The following F13A1 variants were observed in gnomAD, a reference collection of about 807,000 sequenced individuals.
F13A1 encodes coagulation factor XIII A chain, also known as FSF, A subunit.
A neutral mutation model predicts 80.1 loss-of-function variants in F13A1; 47 were observed. The observed-to-expected ratio is 0.59, with a 90% CI of 0.46 to 0.75. The LOEUF (loss-of-function observed/expected upper bound fraction) is 0.75, where lower values mean the gene tolerates loss of function less well. F13A1 is among the 30% of genes least tolerant of loss of function. The pLI, the probability that F13A1 is intolerant of heterozygous loss-of-function variation, is 0.00. For missense variants in F13A1, 817 were observed against 930.4 expected (o/e 0.88, Z 1.59); for synonymous variants, 349 against 344.9 (o/e 1.01, Z -0.13).
chr6:6,247,303 A>G (rs932747655), intron 6 of F13A1, among the ~76,000 whole-genome samples: 2 of 152,204 alleles, frequency 1.3e-5, no homozygotes, highest in African/African-American at 4.8e-5. Context: ...CCAAACTCAA[A>G]CATAACATTC....
intron 6 of F13A1, among the ~76,000 whole-genome samples, chr6:6,242,960 A>T (rs932635493): frequency 5.3e-5 from 8 of 152,204 alleles, no homozygotes; most frequent in Non-Finnish European, 1.0e-4. Flanking sequence ...TTTTCTATTT[A>T]CTAGTCTGTG....
intron 10 of F13A1, among the ~76,000 whole-genome samples, chr6:6,193,956 G>C (rs529181671): frequency 1.3e-5 from 2 of 152,216 alleles, no homozygotes; most frequent in Non-Finnish European, 2.9e-5. Flanking sequence ...CGGCAGGTAC[G>C]ATGAGATGAA....
chr6:6,169,703 T>C (rs1435198339), intron 12 of F13A1, among the ~76,000 whole-genome samples: 1 of 152,164 alleles, frequency 6.6e-6, no homozygotes, highest in Non-Finnish European at 1.5e-5. Flanking sequence ...ATCTGGTGGA[T>C]AGGGGCCAAA....
chr6:6,161,110 G>A (rs1462513542), intron 13 of F13A1, among the ~76,000 whole-genome samples: 1 of 152,164 alleles, frequency 6.6e-6, no homozygotes, highest in Non-Finnish European at 1.5e-5. Flanking sequence ...GGAGGAACAT[G>A]TGAGTGTCTC....
At chr6:6,257,519 C>T (rs79505508) in intron 4 of F13A1, among the ~76,000 whole-genome samples, 2 of 152,208 alleles carry the variant, frequency 1.3e-5, no homozygotes, top group Non-Finnish European at 2.9e-5. Flanking sequence ...TTCCTTTTAG[C>T]CCCTTCAGTA....
chr6:6,286,004 G>A (rs1297247810), intron 3 of F13A1, among the ~76,000 whole-genome samples: 7 of 152,234 alleles, frequency 4.6e-5, no homozygotes, highest in Admixed American at 2.0e-4. Context: ...TGCATGCTCC[G>A]CTTCTAAGCG....
intron 4 of F13A1, among the ~76,000 whole-genome samples, chr6:6,258,455 A>G (rs1757731910): frequency 6.6e-6 from 1 of 152,224 alleles, no homozygotes; most frequent in African/African-American, 2.4e-5. Flanking sequence ...GAAGCATATA[A>G]GAGACTCTAC....
intron 13 of F13A1, among the ~76,000 whole-genome samples, chr6:6,160,292 A>G (rs1760550725): frequency 1.3e-5 from 2 of 150,902 alleles, no homozygotes; most frequent in South Asian, 4.2e-4. Context: ...AAAAAAGGAA[A>G]GAAAGAAAAT....
intron 1 of F13A1, among the ~76,000 whole-genome samples, chr6:6,318,887 G>A (rs889502045): frequency 6.6e-6 from 1 of 152,148 alleles, no homozygotes; most frequent in South Asian, 2.1e-4. Flanking sequence ...AGGATCTTGG[G>A]GAGATTTTTG....
intron 12 of F13A1, among the ~76,000 whole-genome samples, chr6:6,170,748 C>T (rs1466331715): frequency 6.6e-6 from 1 of 152,108 alleles, no homozygotes; most frequent in Non-Finnish European, 1.5e-5. Flanking sequence ...GAAAGTATGC[C>T]TCCCATTCTA....
intron 2 of F13A1, 46 bp downstream of exon 2, chr6:6,318,489 G>A: frequency 1.3e-6 from 2 of 1,584,914 alleles, no homozygotes; most frequent in Non-Finnish European, 1.7e-6. Context: ...CCAGGGCCCG[G>A]CTGTGCCTGG....
intron 13 of F13A1, among the ~76,000 whole-genome samples, chr6:6,156,291 GT>G (rs1414174456): frequency 6.6e-6 from 1 of 152,152 alleles, no homozygotes; most frequent in Admixed American, 6.5e-5. Flanking sequence ...AAACAAGAAA[GT>G]TACTAACACA....
In F13A1 at chr6:6,213,131, C is replaced by A. The variant is rs183911189; in HGVS notation, c.1112+8902G>T. Among the ~76,000 whole-genome samples the A allele has an allele frequency of 3.1e-3, 472 of 152,246 alleles. 5 individuals carry two copies. The highest frequency in any genetic ancestry group is 0.011 in the African/African-American group (454 of 41,516). On this transcript the variant is annotated intron_variant, in intron 8 of 14. Coordinates refer to ENST00000264870, the MANE Select transcript of F13A1 (RefSeq NM_000129.4). ...CAGGATACTATCCAGGAGAATTTCC[C>A]CAATCTAGCAAGGCAGGCCAACGTT... is the stretch of plus-strand genomic sequence containing the variant.
intron 10 of F13A1, among the ~76,000 whole-genome samples, chr6:6,194,828 T>A (rs953489839): frequency 2.0e-5 from 3 of 152,238 alleles, no homozygotes; most frequent in African/African-American, 7.2e-5. Flanking sequence ...GTTACCAGTA[T>A]GCATTCAGGT....
intron 8 of F13A1, among the ~76,000 whole-genome samples, chr6:6,200,203 T>C (rs1457681953): frequency 6.6e-6 from 1 of 151,540 alleles, no homozygotes; most frequent in Non-Finnish European, 1.5e-5. Context: ...TGGTGGGTGG[T>C]GGAGGAGGGC....
At chr6:6,255,463 T>C (rs1416867116) in intron 4 of F13A1, among the ~76,000 whole-genome samples, 1 of 152,136 alleles carries the variant, frequency 6.6e-6, no homozygotes, top group Non-Finnish European at 1.5e-5. Flanking sequence ...AAGTAGTCCA[T>C]GGCTCTTGGG....
chr6:6,200,807 G>A (rs1284587662), intron 8 of F13A1, among the ~76,000 whole-genome samples: 2 of 152,154 alleles, frequency 1.3e-5, no homozygotes, highest in Non-Finnish European at 2.9e-5. Context: ...TCTGCAGGGA[G>A]AGAAGGGTAC....
chr6:6,233,357 A>T (rs1757376465), intron 6 of F13A1, among the ~76,000 whole-genome samples: 1 of 152,180 alleles, frequency 6.6e-6, no homozygotes, highest in Non-Finnish European at 1.5e-5. Flanking sequence ...GAAAAGACAG[A>T]TAAATTCCTG....
intron 10 of F13A1, among the ~76,000 whole-genome samples, chr6:6,184,975 G>A (rs1001040312): frequency 3.9e-5 from 6 of 152,090 alleles, no homozygotes; most frequent in Non-Finnish European, 7.4e-5. Context: ...GGTTGTACTA[G>A]GGAATCATCT....
Sources: gnomAD v4.1 joint callset for allele counts (sites outside exome capture counted in the v4.1 genomes callset) on GRCh38, gnomAD v4.1.1 for gene constraint, MANE v1.5 for transcripts, NCBI Gene and HGNC (gene_info 2026-07-23, HGNC 2026-07-21) for gene names.